The following SLC9A7 variants were observed in gnomAD, a reference collection of about 807,000 sequenced individuals.
SLC9A7 encodes the protein sodium/hydrogen exchanger 7.
In SLC9A7, 19 loss-of-function variants were observed where a neutral mutation model predicts 52.6. That is an observed-to-expected ratio of 0.36 (90% CI 0.25 to 0.53). SLC9A7 has a LOEUF of 0.53. Among genes scored for constraint, SLC9A7 ranks in the 20% least tolerant of loss-of-function variants. The pLI is 0.91. For synonymous variants in SLC9A7, 226 were observed against 252.1 expected, an observed-to-expected ratio of 0.90 and a Z score of 0.98; for missense variants, 455 against 597.9, an observed-to-expected ratio of 0.76 and a Z score of 2.49.
chrX:46,708,398 C>T (rs192937635), intron 1 of SLC9A7, among the ~76,000 whole-genome samples: 19 of 110,558 alleles, frequency 1.7e-4, no homozygotes, highest in African/African-American at 5.6e-4. Context: ...GGCATGGTGG[C>T]GGGTGCCTGT....
chrX:46,650,066 C>T (rs1393777406), intron 10 of SLC9A7, among the ~76,000 whole-genome samples: 1 of 112,674 alleles, frequency 8.9e-6, no homozygotes. Flanking sequence ...AGGAGGCTCT[C>T]ACGCTAGAAG....
chrX:46,733,253 A>G (rs1198157177), intron 1 of SLC9A7, among the ~76,000 whole-genome samples: 2 of 111,908 alleles, frequency 1.8e-5, no homozygotes, highest in African/African-American at 6.5e-5. Context: ...AGGCAAGACT[A>G]AACAATACAT....
chrX:46,606,213 C>T lies in SLC9A7; in HGVS notation c.*739G>A, dbSNP rs1352784836. 9.4e-6 allele frequency: 7 copies of T among 743,529 alleles called. No homozygotes were observed. Among genetic ancestry groups the T allele is most frequent in the Non-Finnish European group, 1.1e-5 (7 of 631,059 alleles). 61.3% of individuals were successfully genotyped at this position (743,529 alleles called of 1,213,427 possible). On this transcript the variant is annotated 3_prime_UTR_variant, in exon 17 of 17. Coordinates refer to ENST00000616978, the MANE Select transcript of SLC9A7 (RefSeq NM_001257291.2). ...GATACCATCATCAGTTTCTAAATAC[C>T]TCCTTTCCTCAGATTAATCAAAAAA...
At position 46,662,540 on chromosome X, in the gene SLC9A7, G is replaced by A; in HGVS notation, c.897C>T (p.Ser299=). The part of the protein sequence containing the change: ...VLNDAVAIVL[S]SSIVAYQPAG... ...CCAGCAGAAACACTGCTACTTACGAGGACAGTACAATGGCAACAGCATCAT... is the reference window on the plus strand; with the variant it reads ...CCAGCAGAAACACTGCTACTTACGAAGACAGTACAATGGCAACAGCATCAT... The change falls in exon 6 of 17, where the codon TCC becomes TCT. Residue 299 remains serine (S), a splice_region_variant and synonymous_variant. Coordinates refer to ENST00000616978, the MANE Select transcript of SLC9A7 (RefSeq NM_001257291.2). 1 of 1,197,026 alleles carries A rather than the reference G, an allele frequency of 8.4e-7. No homozygotes were observed. The highest frequency in any genetic ancestry group is 1.7e-5 in the African/African-American group (1 of 57,500).
At position 46,654,048 on chromosome X, in the gene SLC9A7, T is replaced by C. The variant is rs746506920; in HGVS notation, c.1042-334A>G. ...GAATGCGGAATTGTGCACGTAAAGA[T>C]GGTTAAATGACAAATCTCGTTGGCT... On this transcript the variant is annotated intron_variant, in intron 7 of 16. Transcript: ENST00000616978. Among the ~76,000 whole-genome samples the C allele has an allele frequency of 4.5e-5, 5 of 111,195 alleles. No homozygotes were observed. The South Asian group carries it at 1.5e-3, about 34-fold the overall frequency.
intron 1 of SLC9A7, among the ~76,000 whole-genome samples, chrX:46,687,487 A>G (rs1005145431): frequency 8.9e-6 from 1 of 112,289 alleles, no homozygotes; most frequent in African/African-American, 3.2e-5. Flanking sequence ...AGAGAATCCA[A>G]TGGATTCCAG....
intron 7 of SLC9A7, among the ~76,000 whole-genome samples, chrX:46,656,373 A>C (rs1943691842): frequency 8.8e-6 from 1 of 113,529 alleles, no homozygotes; most frequent in East Asian, 2.8e-4. Flanking sequence ...CTGGACAGAG[A>C]ATGACTTTGA....
Position 46,631,533 on chromosome X carries a change from T to G in SLC9A7, c.1740+53A>C. 4.9e-6 allele frequency: 5 copies of G among 1,018,199 alleles called. No individual in the cohort carries two copies. The South Asian group carries it at 9.8e-5, about 20-fold the overall frequency. The allele number at this position is 1,018,199 out of a possible 1,213,427, so 83.9% of individuals were successfully genotyped here. A position where few individuals can be genotyped will look rare whatever the true frequency, so the allele number is the denominator to read the frequency against. ...GGGAATCTAGGTAAAGTGCCTGGCATGTGGCGAATGCTCAAATGTCTTCCC... is the reference window on the plus strand; with the variant it reads ...GGGAATCTAGGTAAAGTGCCTGGCAGGTGGCGAATGCTCAAATGTCTTCCC... On this transcript the variant is annotated intron_variant, in intron 14 of 16. Transcript: ENST00000616978.
At chrX:46,656,566 G>A (rs1337307329) in intron 7 of SLC9A7, among the ~76,000 whole-genome samples, 1 of 112,471 alleles carries the variant, frequency 8.9e-6, no homozygotes, top group East Asian at 2.8e-4. Context: ...TGAGAACTAC[G>A]TGAAGAATGC....
intron 12 of SLC9A7, among the ~76,000 whole-genome samples, chrX:46,642,611 TG>T (rs1943424152): frequency 1.8e-5 from 2 of 112,125 alleles, no homozygotes; most frequent in Admixed American, 1.9e-4. Context: ...CATAAGATGC[TG>T]GAGCTCACAA....
chrX:46,749,899 C>T (rs1326402216), intron 1 of SLC9A7, among the ~76,000 whole-genome samples: 1 of 109,833 alleles, frequency 9.1e-6, no homozygotes, highest in East Asian at 2.9e-4. Flanking sequence ...TGGCCAACAT[C>T]GTGAAACCCC....
In SLC9A7 at chrX:46,613,145, T is replaced by C. The variant is rs1254814403; in HGVS notation, c.1929+144A>G. On this transcript the variant is annotated intron_variant, in intron 16 of 16. Transcript: ENST00000616978. ...TTACTATGCGAAATCTATAAACATATGGAAGATGGCCATTTCTAATCAGCT... is the reference window on the plus strand; with the variant it reads ...TTACTATGCGAAATCTATAAACATACGGAAGATGGCCATTTCTAATCAGCT... 3 of 351,814 alleles carry C rather than the reference T, an allele frequency of 8.5e-6. No homozygotes were observed. The Admixed American group carries it at 1.6e-4, about 19-fold the overall frequency. The allele number at this position is 351,814 out of a possible 1,213,427, so 29.0% of individuals were successfully genotyped here.
Position 46,600,773 on chromosome X carries a change from A to G in SLC9A7, c.*6179T>C. 8.9e-6 allele frequency: 1 copy of G among 112,136 alleles called. No individual in the cohort carries two copies. The highest frequency in any genetic ancestry group is 1.9e-5 in the Non-Finnish European group (1 of 53,258). 9.2% of individuals were successfully genotyped at this position (112,136 alleles called of 1,213,427 possible). A position where few individuals can be genotyped will look rare whatever the true frequency, so the allele number is the denominator to read the frequency against. On this transcript the variant is annotated 3_prime_UTR_variant, in exon 17 of 17. Transcript: ENST00000616978. ...TTAAGACACTAGCAATGGTTTCTAC[A>G]GTATTTCTCTATATGTTGTTTTCAG...
At chrX:46,727,806 T>G (rs1944968823) in intron 1 of SLC9A7, among the ~76,000 whole-genome samples, 1 of 112,198 alleles carries the variant, frequency 8.9e-6, no homozygotes, top group Admixed American at 9.5e-5. Context: ...AAGTTTGACT[T>G]AGGCAAAAAT....
At chrX:46,660,806 A>C (rs2146811084) in intron 7 of SLC9A7, among the ~76,000 whole-genome samples, 1 of 108,850 alleles carries the variant, frequency 9.2e-6, no homozygotes, top group East Asian at 2.9e-4. Context: ...TGTGGAAGTC[A>C]GTGTGGCGAT....
At chrX:46,678,247 A>G (rs1464741645) in intron 3 of SLC9A7, among the ~76,000 whole-genome samples, 1 of 110,265 alleles carries the variant, frequency 9.1e-6, no homozygotes, top group African/African-American at 3.3e-5. Context: ...TCTCTTCTCT[A>G]GACTCACTGA....
At chrX:46,679,998 A>G (rs1015762216) in intron 2 of SLC9A7, among the ~76,000 whole-genome samples, 5 of 111,867 alleles carry the variant, frequency 4.5e-5, no homozygotes, top group Non-Finnish European at 7.5e-5. Flanking sequence ...ACATAATAAG[A>G]CACAACAGTT....
At chrX:46,636,169 A>G (rs771674222) in intron 12 of SLC9A7, among the ~76,000 whole-genome samples, 1 of 111,698 alleles carries the variant, frequency 9.0e-6, no homozygotes, top group African/African-American at 3.3e-5. Flanking sequence ...CATGTTGTAC[A>G]TAGGATCAAC....
chrX:46,725,405 C>T, intron 1 of SLC9A7: 2 of 1,185,666 alleles, frequency 1.7e-6, no homozygotes. Context: ...CATCTTCCAT[C>T]ATATCCTCTA....
Sources: allele counts gnomAD v4.1 joint callset (sites outside exome capture counted in the v4.1 genomes callset), GRCh38; gene constraint gnomAD v4.1.1; transcripts MANE v1.5; gene names NCBI Gene and HGNC (gene_info 2026-07-23, HGNC 2026-07-21).